Variants in EFHD1 observed in about 807,000 individuals in gnomAD.
EFHD1 encodes EF-hand domain-containing protein D1.
In EFHD1, 10 loss-of-function variants were observed where a neutral mutation model predicts 17.2. The observed-to-expected ratio is 0.58, with a 90% CI of 0.36 to 0.99. The LOEUF (loss-of-function observed/expected upper bound fraction) is 0.99, where lower values mean the gene tolerates loss of function less well. Ranked by LOEUF, EFHD1 falls within the 50% of genes least tolerant of loss-of-function variation. The probability of loss-of-function intolerance (pLI) is 0.01; values close to 1 mark genes in which losing one functional copy is unlikely to be tolerated. For synonymous variants in EFHD1, 153 were observed against 142.0 expected, an observed-to-expected ratio of 1.08 and a Z score of -0.55; for missense variants, 310 against 327.5, an observed-to-expected ratio of 0.95 and a Z score of 0.41.
At chr2:232,623,702 A>G (rs1277366656) in intron 1 of EFHD1, among the ~76,000 whole-genome samples, 3 of 91,696 alleles carry the variant, frequency 3.3e-5, no homozygotes, top group African/African-American at 1.2e-4. Flanking sequence ...AAAGAAGAAG[A>G]AGAAGAAGAA....
intron 1 of EFHD1, among the ~76,000 whole-genome samples, chr2:232,652,661 T>C (rs1347777693): frequency 2.0e-5 from 3 of 152,072 alleles, no homozygotes; most frequent in African/African-American, 7.2e-5. Flanking sequence ...AAAGGATCAG[T>C]ACATGAGACA....
chr2:232,619,694 A>G (rs2106185859), intron 1 of EFHD1, among the ~76,000 whole-genome samples: 1 of 152,250 alleles, frequency 6.6e-6, no homozygotes, highest in South Asian at 2.1e-4. Flanking sequence ...TGGTTGCGCA[A>G]CACTAGGAAA....
At chr2:232,676,104 G>A (rs1695166373) in intron 3 of EFHD1, among the ~76,000 whole-genome samples, 1 of 152,066 alleles carries the variant, frequency 6.6e-6, no homozygotes, top group African/African-American at 2.4e-5. Context: ...TGAACCCAGA[G>A]GCAGAGGTTG....
chr2:232,608,789 G>A (rs1317270012), intron 1 of EFHD1, among the ~76,000 whole-genome samples: 1 of 151,992 alleles, frequency 6.6e-6, no homozygotes, highest in Non-Finnish European at 1.5e-5. Flanking sequence ...AATTAGCTGG[G>A]TGTGGTGGCT....
chr2:232,675,486 C>A (rs1030780195), intron 3 of EFHD1, among the ~76,000 whole-genome samples: 9 of 152,270 alleles, frequency 5.9e-5, no homozygotes, highest in African/African-American at 2.2e-4. Flanking sequence ...AGTGTTAGAA[C>A]CACCTGCACA....
At chr2:232,652,273 G>A (rs563096402) in intron 1 of EFHD1, among the ~76,000 whole-genome samples, 6 of 152,272 alleles carry the variant, frequency 3.9e-5, no homozygotes, top group Admixed American at 3.9e-4. Context: ...ATTCAGAAAC[G>A]TGACTCCTAT....
At chr2:232,665,190 T>G (rs12694913) in intron 2 of EFHD1, among the ~76,000 whole-genome samples, 67,711 of 151,980 alleles carry the variant, frequency 0.45, 15,473 homozygotes, top group East Asian at 0.75. Flanking sequence ...GGCAAAATTT[T>G]GAGATACTGG....
rs1287248903 is a variant in EFHD1 at position 232,633,938 on chromosome 2, C to T, written c.234C>T (p.Phe78=). 3 of 1,596,986 alleles carry T rather than the reference C, an allele frequency of 1.9e-6. No individual in the cohort carries two copies. In the East Asian group the frequency reaches 6.7e-5, roughly 36 times the overall value. The change falls in exon 1 of 4, where the codon TTC becomes TTT. Residue 78 remains phenylalanine (F), a synonymous_variant. Transcript: ENST00000264059. ...GAARPRRCRV[F]NPYTEFPEFS... is the part of the protein sequence containing the mutation. ...CGCGGCCCCGGCGCTGCAGGGTCTT[C>T]AACCCCTACACGGAGTTCCCGGAGT...
intron 1 of EFHD1, among the ~76,000 whole-genome samples, chr2:232,619,587 G>A (rs968153079): frequency 1.3e-5 from 2 of 152,120 alleles, no homozygotes; most frequent in Non-Finnish European, 2.9e-5. Flanking sequence ...TGGAATTACG[G>A]GTGTGAGCCA....
chr2:232,662,724 T>C (rs1365968186), intron 1 of EFHD1, 78 bp from the exon 2 acceptor site: 3 of 1,528,804 alleles, frequency 2.0e-6, no homozygotes, highest in Non-Finnish European at 2.6e-6. Context: ...TTTCGATGAA[T>C]GAAGCCAAAG....
Position 232,681,768 on chromosome 2 carries a change from G to A in EFHD1, c.*49G>A, listed in dbSNP as rs200998185. On this transcript the variant is annotated 3_prime_UTR_variant, in exon 4 of 4. Coordinates refer to ENST00000264059, the MANE Select transcript of EFHD1 (RefSeq NM_025202.4). ...CACAGCTGTGCCTCACAGATGCCCC[G>A]AGAAGAGATGACTAGGCATCTTCAT... 7.4e-5 allele frequency: 117 copies of A among 1,590,208 alleles called. No individual in the cohort carries two copies. The highest frequency in any genetic ancestry group is 8.5e-5 in the Non-Finnish European group (99 of 1,168,362).
At chr2:232,655,665 A>C (rs934205496) in intron 1 of EFHD1, among the ~76,000 whole-genome samples, 4 of 152,222 alleles carry the variant, frequency 2.6e-5, no homozygotes, top group African/African-American at 7.2e-5. Flanking sequence ...CCTTGCACTT[A>C]GCTAAAGTCT....
At chr2:232,638,361 G>A (rs1027135560) in intron 1 of EFHD1, 2 of 471,162 alleles carry the variant, frequency 4.2e-6, no homozygotes, top group Admixed American at 2.3e-5. Context: ...AAGAGAGGGT[G>A]GGAAGAGGAA....
intron 1 of EFHD1, among the ~76,000 whole-genome samples, chr2:232,649,171 A>G (rs2106202682): frequency 6.6e-6 from 1 of 152,328 alleles, no homozygotes; most frequent in South Asian, 2.1e-4. Context: ...AGGACGCCGG[A>G]GACCAGCCAT....
At position 232,620,215 on chromosome 2, in the gene EFHD1, C is replaced by T. The variant is rs572917002; in HGVS notation, c.14+14042C>T. 3.1e-4 allele frequency among the ~76,000 whole-genome samples: 47 copies of T among 150,834 alleles called. 1 individual carries two copies. The highest frequency in any genetic ancestry group is 1.1e-3 in the African/African-American group (46 of 41,054). The stretch of plus-strand genomic sequence containing the variant: ...CATCCTGGCTAACACAGTGAAACCC[C>T]GTCTCTACTAAAAATACAAAAAATT... On this transcript the variant is annotated intron_variant, in intron 1 of 3. Transcript: ENST00000409613.
At chr2:232,634,157 G>A (rs1181175901) in intron 1 of EFHD1, 151 bp downstream of exon 1, 4 of 1,420,900 alleles carry the variant, frequency 2.8e-6, no homozygotes, top group Non-Finnish European at 3.7e-6. Context: ...GCGTGCTCGG[G>A]TCTATCTCGG....
chr2:232,653,352 A>G (rs1416001586), intron 1 of EFHD1, among the ~76,000 whole-genome samples: 2 of 151,962 alleles, frequency 1.3e-5, no homozygotes, highest in African/African-American at 4.8e-5. Context: ...GTGCAGTGGC[A>G]TGATCTTGGC....
chr2:232,634,036 CG>C, intron 1 of EFHD1, 30 bp downstream of exon 1: 1 of 1,595,388 alleles, frequency 6.3e-7, no homozygotes, highest in Non-Finnish European at 8.5e-7. Context: ...CCTTCGCCCC[CG>C]GGACCAGGGA....
chr2:232,676,455 T>A (rs1445317694), intron 3 of EFHD1, among the ~76,000 whole-genome samples: 2 of 152,108 alleles, frequency 1.3e-5, no homozygotes, highest in African/African-American at 2.4e-5. Flanking sequence ...AAGATGAGGA[T>A]CCTATGTGTT....
Sources: allele counts gnomAD v4.1 joint callset (sites outside exome capture counted in the v4.1 genomes callset), GRCh38; gene constraint gnomAD v4.1.1; transcripts MANE v1.5; gene names NCBI Gene and HGNC (gene_info 2026-07-23, HGNC 2026-07-21).